Variants in PLXNA4 observed in about 807,000 individuals in gnomAD.
PLXNA4 encodes plexin-A4.
Under a neutral mutation model 191.8 loss-of-function variants are expected in PLXNA4, and 44 were observed. The ratio of observed to expected loss-of-function variants is 0.23; its 90% CI spans 0.18 to 0.29. The LOEUF (loss-of-function observed/expected upper bound fraction) is 0.29. Among genes scored for constraint, PLXNA4 ranks in the 10% least tolerant of loss-of-function variants. The pLI, the probability that PLXNA4 is intolerant of heterozygous loss-of-function variation, is 1.00. For missense variants in PLXNA4, 1,800 were observed against 2,488.8 expected, an observed-to-expected ratio of 0.72 and a Z score of 5.89; for synonymous variants, 1,082 against 1,009.5, an observed-to-expected ratio of 1.07 and a Z score of -1.36.
intron 3 of PLXNA4, among the ~76,000 whole-genome samples, chr7:132,326,115 C>T (rs192983246): frequency 1.8e-4 from 27 of 152,222 alleles, no homozygotes; most frequent in Non-Finnish European, 3.7e-4. Flanking sequence ...GGGGTCTCTA[C>T]CAATCTACTG....
intron 3 of PLXNA4, among the ~76,000 whole-genome samples, chr7:132,457,451 G>C (rs1796353789): frequency 6.6e-6 from 1 of 152,206 alleles, no homozygotes; most frequent in Admixed American, 6.5e-5. Flanking sequence ...GAATCACAGA[G>C]AGGAGCTAAA....
intron 9 of PLXNA4, 83 bp downstream of exon 9, chr7:132,223,444 T>C (rs947537121): frequency 1.6e-6 from 2 of 1,231,170 alleles, no homozygotes; most frequent in Admixed American, 4.0e-5. Context: ...TTCCTTTGGT[T>C]TCTCCTCTTA....
chr7:132,531,238 C>T (rs1437193440), intron 1 of PLXNA4, among the ~76,000 whole-genome samples: 1 of 152,152 alleles, frequency 6.6e-6, no homozygotes, highest in African/African-American at 2.4e-5. Context: ...GTTTTATGTA[C>T]TCTACCACCA....
intron 3 of PLXNA4, among the ~76,000 whole-genome samples, chr7:132,375,030 G>C (rs1804601627): frequency 6.6e-6 from 1 of 152,212 alleles, no homozygotes; most frequent in South Asian, 2.1e-4. Context: ...CCCGCCCTCT[G>C]CATTCTCATC....
In PLXNA4 at chr7:132,477,222, C is replaced by A. The variant is rs183210923; in HGVS notation, c.1371+12070G>T. Among the ~76,000 whole-genome samples the A allele has an allele frequency of 5.3e-5, 8 of 152,280 alleles. No homozygotes were observed. In the East Asian group the frequency reaches 1.5e-3, roughly 29 times the overall value. Reference sequence around the variant, plus strand: ...TGGACAGAATTATCCACAAAATATTCATTGCCCTTCTCTCCCACCTCCCTG... The same window carrying A: ...TGGACAGAATTATCCACAAAATATTAATTGCCCTTCTCTCCCACCTCCCTG... On this transcript the variant is annotated intron_variant, in intron 3 of 31. Transcript: ENST00000321063.
intron 26 of PLXNA4, 134 bp from the exon 27 acceptor site, chr7:132,148,133 T>C: frequency 1.5e-6 from 2 of 1,339,744 alleles, no homozygotes. Flanking sequence ...TTGGAGGCTG[T>C]CAGCTTTCCT....
chr7:132,363,515 G>A (rs532993401), intron 3 of PLXNA4, among the ~76,000 whole-genome samples: 7 of 152,180 alleles, frequency 4.6e-5, no homozygotes, highest in Non-Finnish European at 7.4e-5. Flanking sequence ...AGCACGTATC[G>A]GCATTTCCTT....
intron 3 of PLXNA4, among the ~76,000 whole-genome samples, chr7:132,359,617 T>C (rs1803854995): frequency 6.6e-6 from 1 of 152,178 alleles, no homozygotes; most frequent in African/African-American, 2.4e-5. Flanking sequence ...AAGAAAAATG[T>C]ATACCTAAGG....
rs1157030364 is a variant in PLXNA4 at position 132,146,675 on chromosome 7, G to A, written c.4890C>T (p.Ser1630=). 3.7e-6 allele frequency: 6 copies of A among 1,614,184 alleles called. No individual in the cohort carries two copies. Among genetic ancestry groups the A allele is most frequent in the South Asian group, 2.2e-5 (2 of 91,088 alleles). The part of the protein sequence containing the change: ...KYENMIRYTG[S]PDSLRSRTPM... ...GTGTCCGTGAGCGGAGGCTGTCGGG[G>A]CTGCCCGTGTACCGGATCATGTTTT... The change falls in exon 28 of 32, where the codon AGC becomes AGT. Residue 1630 remains serine, a synonymous_variant. Transcript: ENST00000321063.
In PLXNA4 at chr7:132,508,708, C is replaced by T; in HGVS notation, c.-15G>A. 1 of 1,490,050 alleles carries T rather than the reference C, an allele frequency of 6.7e-7. No individual in the cohort carries two copies. Among genetic ancestry groups the T allele is most frequent in the Non-Finnish European group, 8.9e-7 (1 of 1,121,590 alleles). The allele number at this position is 1,490,050 out of a possible 1,614,324, so 92.3% of individuals were successfully genotyped here. Reference sequence around the variant, plus strand: ...ATGGCTTTCATGGCAGAGGCGGGTCCCAGTGGCACAGCAGCACTCAGGCAC... The same window carrying T: ...ATGGCTTTCATGGCAGAGGCGGGTCTCAGTGGCACAGCAGCACTCAGGCAC... On this transcript the variant is annotated 5_prime_UTR_variant, in exon 2 of 32. Transcript: ENST00000321063. This position sits in a 1 kb window ranked among gnomAD's most constrained non-coding sequence, Gnocchi z 4.4.
intron 3 of PLXNA4, among the ~76,000 whole-genome samples, chr7:132,396,935 C>G (rs1415941594): frequency 6.6e-6 from 1 of 152,230 alleles, no homozygotes; most frequent in Admixed American, 6.5e-5. Context: ...AATAGAGCCT[C>G]CAGGGGCGGC....
At chr7:132,558,894 C>T (rs190121957) in intron 1 of PLXNA4, among the ~76,000 whole-genome samples, 2 of 152,070 alleles carry the variant, frequency 1.3e-5, no homozygotes, top group African/African-American at 4.8e-5. Flanking sequence ...TAGGGATTCC[C>T]TACCTTTGTT....
At chr7:132,210,899 G>C in intron 10 of PLXNA4, 44 bp downstream of exon 10, 1 of 1,586,934 alleles carries the variant, frequency 6.3e-7, no homozygotes. Flanking sequence ...GATGTGGGTG[G>C]GACTGGGGCC....
intron 1 of PLXNA4, among the ~76,000 whole-genome samples, chr7:132,531,787 T>C (rs957929237): frequency 3.7e-4 from 56 of 152,244 alleles, no homozygotes; most frequent in African/African-American, 1.3e-3. Context: ...TTGCCTGGAG[T>C]GATTCTCACC....
At chr7:132,264,245 A>T (rs1477702262) in intron 4 of PLXNA4, 1 of 152,236 alleles carries the variant, frequency 6.6e-6, no homozygotes, top group African/African-American at 2.4e-5. Context: ...GAAGGAATCC[A>T]TATCCCATCA....
chr7:132,232,845 G>A (rs539809045), intron 5 of PLXNA4, among the ~76,000 whole-genome samples: 1 of 152,262 alleles, frequency 6.6e-6, no homozygotes, highest in Non-Finnish European at 1.5e-5. Flanking sequence ...TCCCGGTGCC[G>A]CTGGCCAGGC....
rs544873437 is a variant in PLXNA4, at chr7:132,296,536, C to A, written c.1503+1555G>T. Among the ~76,000 whole-genome samples the A allele has an allele frequency of 7.9e-5, 12 of 151,806 alleles. No individual in the cohort carries two copies. In the East Asian group the frequency reaches 2.3e-3, roughly 29 times the overall value. ...AATCCTCCTGCCTTGGCCTCCCGAG[C>A]AGCTGGGATTATAGGTGCAAGACCC... On this transcript the variant is annotated intron_variant, in intron 4 of 31. Coordinates refer to ENST00000321063, the MANE Select transcript of PLXNA4 (RefSeq NM_020911.2).
intron 1 of PLXNA4, among the ~76,000 whole-genome samples, chr7:132,565,016 C>T (rs1282218629): frequency 6.6e-6 from 1 of 152,180 alleles, no homozygotes; most frequent in Admixed American, 6.5e-5. Context: ...GTTTTTATCC[C>T]TTACACCTCC....
chr7:132,442,114 C>T (rs746351883), intron 3 of PLXNA4, among the ~76,000 whole-genome samples: 3 of 152,186 alleles, frequency 2.0e-5, no homozygotes, highest in East Asian at 1.9e-4. Flanking sequence ...AATGATCTCA[C>T]GTGGCCTTCA....
Sources: gnomAD v4.1 joint callset for allele counts (sites outside exome capture counted in the v4.1 genomes callset) on GRCh38, gnomAD v4.1.1 for gene constraint, Gnocchi (gnomAD v3.1) non-coding constraint, MANE v1.5 for transcripts, NCBI Gene and HGNC (gene_info 2026-07-23, HGNC 2026-07-21) for gene names.